The following KALRN variants were observed in gnomAD, a reference collection of about 807,000 sequenced individuals.
KALRN encodes the protein kalirin RhoGEF kinase, also known as kalirin.
A neutral mutation model predicts 353.7 loss-of-function variants in KALRN; 70 were observed. The observed-to-expected ratio is 0.20, with a 90% CI of 0.16 to 0.24. KALRN has a LOEUF of 0.24. Ranked by LOEUF, KALRN falls within the 10% of genes least tolerant of loss-of-function variation. The pLI is 1.00. For missense variants in KALRN, 2,791 were observed against 3,756.7 expected, an observed-to-expected ratio of 0.74 and a Z score of 6.72; for synonymous variants, 1,391 against 1,434.8, an observed-to-expected ratio of 0.97 and a Z score of 0.69.
chr3:124,623,414 A>ACG (rs2079539848), intron 34 of KALRN, among the ~76,000 whole-genome samples: 1 of 147,712 alleles, frequency 6.8e-6, no homozygotes, highest in African/African-American at 2.5e-5. Flanking sequence ...ACACACACAC[A>ACG]CACACACACA....
chr3:124,051,296 C>T (rs1031059947), intron 1 of KALRN, among the ~76,000 whole-genome samples: 1 of 152,174 alleles, frequency 6.6e-6, no homozygotes, highest in East Asian at 1.9e-4. Context: ...ATTCTGCTTT[C>T]TGAGAGGTTG....
chr3:124,451,661 G>A (rs371321965), intron 21 of KALRN, among the ~76,000 whole-genome samples: 4 of 152,154 alleles, frequency 2.6e-5, no homozygotes, highest in African/African-American at 9.7e-5. Context: ...AGATAGAAGC[G>A]ATGTGTCTGA....
intron 1 of KALRN, among the ~76,000 whole-genome samples, chr3:124,195,899 G>A (rs76442479): frequency 0.015 from 2,265 of 152,272 alleles, 54 homozygotes; most frequent in African/African-American, 0.051. Flanking sequence ...TGTCAAAAGC[G>A]CTCTTTTGCT....
chr3:124,613,567 G>A (rs974833345), intron 34 of KALRN, among the ~76,000 whole-genome samples: 1 of 152,212 alleles, frequency 6.6e-6, no homozygotes. Context: ...TAATTGGGAA[G>A]TGATCTGTCC....
At chr3:124,594,718 T>A (rs1479656804) in intron 34 of KALRN, among the ~76,000 whole-genome samples, 2 of 152,196 alleles carry the variant, frequency 1.3e-5, no homozygotes, top group African/African-American at 4.8e-5. Flanking sequence ...GACTGACATA[T>A]CTCCAGTCCC....
At chr3:124,114,127 A>C (rs547045113) in intron 1 of KALRN, among the ~76,000 whole-genome samples, 1 of 152,314 alleles carries the variant, frequency 6.6e-6, no homozygotes, top group South Asian at 2.1e-4. Context: ...TTGAGGGAGC[A>C]GGTTGGAAGA....
At chr3:124,620,262 G>A (rs1159973132) in intron 34 of KALRN, among the ~76,000 whole-genome samples, 1 of 152,054 alleles carries the variant, frequency 6.6e-6, no homozygotes, top group East Asian at 1.9e-4. Flanking sequence ...CACCACACCA[G>A]GCTAATTTTT....
At chr3:124,633,157 A>G (rs1243829351) in intron 35 of KALRN, among the ~76,000 whole-genome samples, 6 of 152,250 alleles carry the variant, frequency 3.9e-5, no homozygotes, top group African/African-American at 7.2e-5. Flanking sequence ...CCAGATAACT[A>G]TGATGAACAG....
intron 1 of KALRN, among the ~76,000 whole-genome samples, chr3:124,060,973 C>T (rs972939406): frequency 6.6e-6 from 1 of 152,218 alleles, no homozygotes; most frequent in Admixed American, 6.5e-5. Flanking sequence ...GGTCCCAACC[C>T]CCAGCACATG....
intron 1 of KALRN, among the ~76,000 whole-genome samples, chr3:124,185,147 C>T (rs2074063196): frequency 6.6e-6 from 1 of 152,186 alleles, no homozygotes; most frequent in African/African-American, 2.4e-5. Context: ...TCCCAAGTAG[C>T]TGGGACTACA....
chr3:124,158,779 G>A (rs1560107573), intron 1 of KALRN, among the ~76,000 whole-genome samples: 1 of 152,176 alleles, frequency 6.6e-6, no homozygotes, highest in Non-Finnish European at 1.5e-5. Flanking sequence ...GCTTTTGCAA[G>A]GCCACTGACA....
At chr3:124,642,806 G>GTTTTTTTGTT (rs1553707032) in intron 37 of KALRN, among the ~76,000 whole-genome samples, 1 of 96,840 alleles carries the variant, frequency 1.0e-5, no homozygotes, top group East Asian at 4.7e-4. Context: ...CCCAAGCCTC[G>GTTTTTTTGTT]TTTTTTTTTT....
At chr3:124,211,095 T>C (rs1396755931) in intron 1 of KALRN, among the ~76,000 whole-genome samples, 1 of 152,228 alleles carries the variant, frequency 6.6e-6, no homozygotes, top group Non-Finnish European at 1.5e-5. Context: ...TTCCCAGGTT[T>C]GTACAGCTGA....
chr3:124,522,089 A>G (rs759759544), intron 33 of KALRN, among the ~76,000 whole-genome samples: 4 of 152,124 alleles, frequency 2.6e-5, no homozygotes, highest in Non-Finnish European at 2.9e-5. Flanking sequence ...ATTTTTAAAT[A>G]GGGTAGTCAG....
At chr3:124,619,729 C>T (rs566902230) in intron 34 of KALRN, among the ~76,000 whole-genome samples, 9 of 152,096 alleles carry the variant, frequency 5.9e-5, no homozygotes, top group African/African-American at 1.4e-4. Flanking sequence ...TCAAATGATT[C>T]GCCCGTCTTG....
chr3:124,270,906 T>C (rs2074098102), intron 5 of KALRN, among the ~76,000 whole-genome samples: 1 of 143,032 alleles, frequency 7.0e-6, no homozygotes, highest in African/African-American at 2.5e-5. Context: ...CTCAGCTCAC[T>C]GCAAGCTCCA....
At chr3:124,090,726 A>G (rs959536791) in intron 1 of KALRN, among the ~76,000 whole-genome samples, 4 of 152,152 alleles carry the variant, frequency 2.6e-5, no homozygotes, top group Non-Finnish European at 5.9e-5. Flanking sequence ...AGGAGAGGAG[A>G]GCACGGACTG....
At chr3:124,154,744 G>T (rs1381263811) in intron 1 of KALRN, among the ~76,000 whole-genome samples, 2 of 152,090 alleles carry the variant, frequency 1.3e-5, no homozygotes, top group Admixed American at 6.6e-5. Context: ...TTTCTTCACA[G>T]AATTGGAAAA....
chr3:124,300,198 A>G (rs537176605), intron 6 of KALRN, among the ~76,000 whole-genome samples: 2 of 152,324 alleles, frequency 1.3e-5, no homozygotes, highest in East Asian at 1.9e-4. Flanking sequence ...TGCTTTTGCC[A>G]TTACTTTTAA....
Sources: allele counts gnomAD v4.1 joint callset (sites outside exome capture counted in the v4.1 genomes callset), GRCh38; gene constraint gnomAD v4.1.1; transcripts MANE v1.5; gene names NCBI Gene and HGNC (gene_info 2026-07-23, HGNC 2026-07-21).